The following ZFAND6 variants were observed in gnomAD, a reference collection of about 807,000 sequenced individuals.
ZFAND6 encodes the protein AN1-type zinc finger protein 6.
ZFAND6 carries 12 observed loss-of-function variants against 24.5 expected under a neutral mutation model. The ratio of observed to expected loss-of-function variants is 0.49; its 90% CI spans 0.31 to 0.79. The LOEUF is 0.79. ZFAND6 is among the 30% of genes least tolerant of loss of function. The probability of loss-of-function intolerance (pLI) is 0.04; values close to 1 mark genes in which losing one functional copy is unlikely to be tolerated. For synonymous variants in ZFAND6, 92 were observed against 81.5 expected (o/e 1.13, Z -0.69); for missense variants, 207 against 245.9 (o/e 0.84, Z 1.06).
intron 1 of ZFAND6, among the ~76,000 whole-genome samples, chr15:80,080,918 C>G (rs1294050259): frequency 6.6e-6 from 1 of 152,162 alleles, no homozygotes; most frequent in Non-Finnish European, 1.5e-5. Context: ...TGGTGTTAAG[C>G]TATTCATGAG....
Position 80,085,070 on chromosome 15 carries a change from C to T in ZFAND6, c.-180-13346C>T, listed in dbSNP as rs147043654. The stretch of plus-strand genomic sequence containing the variant: ...TTCATCTTTCAAAGGACGCCACTTT[C>T]CTCCTGGTCCTCAAGTGTTGGCTGC... On this transcript the variant is annotated intron_variant, in intron 1 of 6. Coordinates refer to ENST00000261749, the MANE Select transcript of ZFAND6 (RefSeq NM_019006.4). Among the ~76,000 whole-genome samples, 99 of 152,348 alleles carry T rather than the reference C, an allele frequency of 6.5e-4. 2 individuals carry two copies. The highest frequency in any genetic ancestry group is 2.1e-3 in the African/African-American group (88 of 41,576).
chr15:80,132,535 C>T (rs2040652607), intron 6 of ZFAND6, among the ~76,000 whole-genome samples: 1 of 152,160 alleles, frequency 6.6e-6, no homozygotes, highest in Admixed American at 6.5e-5. Context: ...TTCATAGCCA[C>T]CTCCTATTGC....
chr15:80,073,328 T>C, intron 1 of ZFAND6: 1 of 347,928 alleles, frequency 2.9e-6, no homozygotes, highest in Non-Finnish European at 5.7e-6. Context: ...TTAAAAGCTA[T>C]AGGTAGGCTA....
At position 80,077,990 on chromosome 15, in the gene ZFAND6, C is replaced by T. The variant is rs369768967; in HGVS notation, c.-181+18181C>T. Among the ~76,000 whole-genome samples, 18 of 152,188 alleles carry T rather than the reference C, an allele frequency of 1.2e-4. 1 individual carries two copies. The South Asian group carries it at 1.7e-3, about 14-fold the overall frequency. On this transcript the variant is annotated intron_variant, in intron 1 of 6. Coordinates refer to ENST00000261749, the MANE Select transcript of ZFAND6 (RefSeq NM_019006.4). The stretch of plus-strand genomic sequence containing the variant: ...CTGGGATTACAGGTGTGAGCCACCG[C>T]GCCCGGCTTTCAAAACTTTTAATGT...
chr15:80,116,706 C>G (rs1477018936), intron 2 of ZFAND6, among the ~76,000 whole-genome samples: 1 of 152,148 alleles, frequency 6.6e-6, no homozygotes, highest in African/African-American at 2.4e-5. Flanking sequence ...TGAAACCATA[C>G]AAGACAAGCT....
intron 1 of ZFAND6, among the ~76,000 whole-genome samples, chr15:80,073,103 A>G (rs1386386907): frequency 6.6e-6 from 1 of 151,974 alleles, no homozygotes; most frequent in Non-Finnish European, 1.5e-5. Flanking sequence ...TTTTAACCCC[A>G]GCACAGCACC....
At chr15:80,060,738 A>G (rs2036285459) in intron 1 of ZFAND6, 1 of 152,262 alleles carries the variant, frequency 6.6e-6, no homozygotes, top group African/African-American at 2.4e-5. Context: ...CCTGGCCAAC[A>G]TGGTGAAACC....
Position 80,077,803 on chromosome 15 carries a change from G to A in ZFAND6, c.-181+17994G>A, listed in dbSNP as rs147551512. On this transcript the variant is annotated intron_variant, in intron 1 of 6. Transcript: ENST00000261749. Reference sequence around the variant, plus strand: ...CAACCTCCACCTCCCTGGTTCAAGCGATTCTCCTGTCTCAGCCTCCCAAGG... The same window carrying A: ...CAACCTCCACCTCCCTGGTTCAAGCAATTCTCCTGTCTCAGCCTCCCAAGG... Among the ~76,000 whole-genome samples the A allele has an allele frequency of 8.8e-4, 131 of 149,244 alleles. No individual in the cohort carries two copies. The East Asian group carries it at 0.023, about 26-fold the overall frequency.
chr15:80,114,164 C>T (rs750339156), intron 2 of ZFAND6, among the ~76,000 whole-genome samples: 4 of 152,158 alleles, frequency 2.6e-5, no homozygotes, highest in Non-Finnish European at 4.4e-5. Context: ...GTGCCACACA[C>T]TATTTGGATG....
At chr15:80,124,818 A>G (rs185703916) in intron 5 of ZFAND6, among the ~76,000 whole-genome samples, 1 of 152,196 alleles carries the variant, frequency 6.6e-6, no homozygotes, top group Non-Finnish European at 1.5e-5. Flanking sequence ...TAAATTAGGT[A>G]TAAGTTTCAT....
chr15:80,103,238 A>G (rs2141952126), intron 2 of ZFAND6, among the ~76,000 whole-genome samples: 1 of 152,316 alleles, frequency 6.6e-6, no homozygotes, highest in African/African-American at 2.4e-5. Flanking sequence ...CCTTATACAG[A>G]TTTGGTGAGG....
intron 1 of ZFAND6, among the ~76,000 whole-genome samples, chr15:80,097,119 C>A (rs568726332): frequency 5.9e-5 from 9 of 151,788 alleles, no homozygotes; most frequent in Admixed American, 5.9e-4. Flanking sequence ...CCTGCCTCAG[C>A]CCCTCTAGTA....
intron 1 of ZFAND6, among the ~76,000 whole-genome samples, chr15:80,066,732 G>T (rs966764825): frequency 6.6e-6 from 1 of 151,258 alleles, no homozygotes; most frequent in Non-Finnish European, 1.5e-5. Flanking sequence ...CCTCATCTCT[G>T]TTGAAAATAC....
At chr15:80,098,848 AT>A (rs1386061497) in intron 2 of ZFAND6, among the ~76,000 whole-genome samples, 1 of 152,072 alleles carries the variant, frequency 6.6e-6, no homozygotes, top group Non-Finnish European at 1.5e-5. Flanking sequence ...TGCATTACTA[AT>A]TTATTATTGT....
chr15:80,116,761 C>T (rs1005484410), intron 2 of ZFAND6, among the ~76,000 whole-genome samples: 2 of 152,062 alleles, frequency 1.3e-5, no homozygotes, highest in Non-Finnish European at 2.9e-5. Flanking sequence ...TTTCTTAAAG[C>T]ATTATTTATA....
At chr15:80,121,588 TACTA>T (rs2040148308) in intron 3 of ZFAND6, 120 bp from the exon 4 acceptor site, 1 of 622,610 alleles carries the variant, frequency 1.6e-6, no homozygotes, top group Non-Finnish European at 2.5e-6. Context: ...TGAACCAACA[TACTA>T]CATATTAAAA....
At chr15:80,115,680 T>G (rs1368008053) in intron 2 of ZFAND6, among the ~76,000 whole-genome samples, 1 of 152,160 alleles carries the variant, frequency 6.6e-6, no homozygotes, top group African/African-American at 2.4e-5. Flanking sequence ...GATTAATAAA[T>G]AAGACTGATT....
chr15:80,083,234 G>T (rs146510300), intron 1 of ZFAND6, among the ~76,000 whole-genome samples: 1 of 152,048 alleles, frequency 6.6e-6, no homozygotes, highest in Admixed American at 6.6e-5. Context: ...CTCGTGATCC[G>T]CCCGCTTCGG....
At chr15:80,129,769 G>C (rs1359660451) in intron 5 of ZFAND6, 1 of 152,196 alleles carries the variant, frequency 6.6e-6, no homozygotes, top group Non-Finnish European at 1.5e-5. Context: ...AAGGTTGTTG[G>C]AGAGGCAGTG....
Sources: allele counts gnomAD v4.1 joint callset (sites outside exome capture counted in the v4.1 genomes callset), GRCh38; gene constraint gnomAD v4.1.1; transcripts MANE v1.5; gene names NCBI Gene and HGNC (gene_info 2026-07-23, HGNC 2026-07-21).